LOC128092253: variants seen among roughly 807,000 people sequenced by gnomAD.
the LOC128092253 span, among the ~76,000 whole-genome samples, chr6:133,977,726 A>G: frequency 6.6e-6 from 1 of 152,178 alleles, no homozygotes. Context: ...TCTCATACTC[A>G]TGAGGTCTAG....
the LOC128092253 span, among the ~76,000 whole-genome samples, chr6:133,970,592 GTTTGTTTTTGT>G: frequency 6.6e-6 from 1 of 150,910 alleles, no homozygotes; most frequent in African/African-American, 2.4e-5. Flanking sequence ...TGTCACCAAG[GTTTGTTTTTGT>G]TTTGTTTTTG....
At chr6:133,978,061 T>C in the LOC128092253 span, among the ~76,000 whole-genome samples, 5 of 152,266 alleles carry the variant, frequency 3.3e-5, no homozygotes, top group Middle Eastern at 6.8e-3. Context: ...CTATAGTATT[T>C]TATTTCTGCC....
chr6:133,968,762 T>G, the LOC128092253 span: 1 of 152,164 alleles, frequency 6.6e-6, no homozygotes, highest in African/African-American at 2.4e-5. Flanking sequence ...CCTCTGCCCT[T>G]GGGTTCAAGC....
At chr6:133,979,812 A>C in the LOC128092253 span, among the ~76,000 whole-genome samples, 748 of 151,996 alleles carry the variant, frequency 4.9e-3, 9 homozygotes, top group African/African-American at 0.017. Flanking sequence ...ATGCCCGGCT[A>C]ATTTTTGTAT....
At chr6:133,979,953 A>C in the LOC128092253 span, 2 of 729,218 alleles carry the variant, frequency 2.7e-6, no homozygotes, top group Non-Finnish European at 1.9e-6. Flanking sequence ...GGCCAGGGAC[A>C]TGATTTGATT....
chr6:133,969,888 T>A, the LOC128092253 span, among the ~76,000 whole-genome samples: 10 of 152,248 alleles, frequency 6.6e-5, no homozygotes, highest in South Asian at 2.1e-4. Flanking sequence ...GGAAATTTAC[T>A]GTATAATTCC....
the LOC128092253 span, among the ~76,000 whole-genome samples, chr6:133,965,257 C>G: frequency 6.6e-6 from 1 of 152,072 alleles, no homozygotes; most frequent in African/African-American, 2.4e-5. Flanking sequence ...AGAGATGAAA[C>G]TTTTTAGCTT....
chr6:133,959,193 C>G, the LOC128092253 span, among the ~76,000 whole-genome samples: 1 of 152,130 alleles, frequency 6.6e-6, no homozygotes, highest in Non-Finnish European at 1.5e-5. Flanking sequence ...GCATGCGCCA[C>G]CACGCCTAGC....
chr6:133,975,384 A>G, the LOC128092253 span, among the ~76,000 whole-genome samples: 6 of 129,226 alleles, frequency 4.6e-5, no homozygotes, highest in South Asian at 1.5e-3. Flanking sequence ...AAAACTCTTA[A>G]AGAAATTGAA....
chr6:133,955,355 T>C, the LOC128092253 span, among the ~76,000 whole-genome samples: 2 of 151,568 alleles, frequency 1.3e-5, no homozygotes, highest in Non-Finnish European at 2.9e-5. Context: ...CCAACTTTGG[T>C]GGTAGTTTAG....
chr6:133,971,811 A>G, the LOC128092253 span, among the ~76,000 whole-genome samples: 3 of 152,076 alleles, frequency 2.0e-5, no homozygotes, highest in African/African-American at 7.2e-5. Context: ...TGAATTTCAT[A>G]TATATATTCT....
the LOC128092253 span, among the ~76,000 whole-genome samples, chr6:133,965,304 C>T: frequency 6.6e-6 from 1 of 152,102 alleles, no homozygotes; most frequent in African/African-American, 2.4e-5. Context: ...AGTAGGGGCA[C>T]ATATAAGACC....
At chr6:133,974,780 G>A in the LOC128092253 span, among the ~76,000 whole-genome samples, 7 of 152,234 alleles carry the variant, frequency 4.6e-5, no homozygotes, top group East Asian at 3.9e-4. Flanking sequence ...TTTCAACATC[G>A]TTTGATATTT....
the LOC128092253 span, among the ~76,000 whole-genome samples, chr6:133,960,707 C>A: frequency 6.6e-6 from 1 of 152,126 alleles, no homozygotes; most frequent in African/African-American, 2.4e-5. Context: ...GCTTCATCAT[C>A]ACACCCTGTT....
chr6:133,963,593 G>A, the LOC128092253 span, among the ~76,000 whole-genome samples: 1 of 152,084 alleles, frequency 6.6e-6, no homozygotes, highest in African/African-American at 2.4e-5. Flanking sequence ...GCTAATTTTT[G>A]TATTTTTTTG....
chr6:133,954,095 A>G, the LOC128092253 span, among the ~76,000 whole-genome samples: 11,892 of 152,298 alleles, frequency 0.078, 446 homozygotes, highest in Non-Finnish European at 0.085. Flanking sequence ...CTAATAGGGC[A>G]TGAGGGCTTA....
chr6:133,967,537 T>A, the LOC128092253 span, among the ~76,000 whole-genome samples: 845 of 152,308 alleles, frequency 5.5e-3, 11 homozygotes, highest in African/African-American at 0.019. Context: ...TAGAGTATAA[T>A]TATATAAACC....
chr6:133,965,454 A>G, the LOC128092253 span, among the ~76,000 whole-genome samples: 2 of 152,134 alleles, frequency 1.3e-5, no homozygotes, highest in African/African-American at 4.8e-5. Context: ...CTAGCATAAT[A>G]CCTATTTCGT....
the LOC128092253 span, among the ~76,000 whole-genome samples, chr6:133,958,950 G>A: frequency 1.3e-5 from 2 of 152,214 alleles, no homozygotes; most frequent in African/African-American, 4.8e-5. Flanking sequence ...TTGTTTTCCT[G>A]TTTAAGAGAG....
Sources: allele counts gnomAD v4.1 joint callset (sites outside exome capture counted in the v4.1 genomes callset), GRCh38; gene constraint gnomAD v4.1.1; transcripts MANE v1.5.